The following PUS7 variants were observed in gnomAD, a reference collection of about 807,000 sequenced individuals.
PUS7 encodes the protein pseudouridylate synthase 7 homolog.
In PUS7, 48 loss-of-function variants were observed where a neutral mutation model predicts 79.8. That is an observed-to-expected ratio of 0.60 (90% CI 0.48 to 0.76). The LOEUF (loss-of-function observed/expected upper bound fraction) is 0.76. PUS7 is among the 30% of genes least tolerant of loss of function. PUS7 has a pLI of 0.00. For missense variants in PUS7, 729 were observed against 797.6 expected, an observed-to-expected ratio of 0.91 and a Z score of 1.04; for synonymous variants, 286 against 272.2, an observed-to-expected ratio of 1.05 and a Z score of -0.50.
intron 9 of PUS7, among the ~76,000 whole-genome samples, chr7:105,474,536 AG>A (rs1446693313): frequency 1.8e-4 from 27 of 151,460 alleles, no homozygotes; most frequent in African/African-American, 6.3e-4. Flanking sequence ...TGGGAGGCTG[AG>A]GCACGCGAAT....
At chr7:105,520,421 T>C (rs1375955292) in intron 1 of PUS7, among the ~76,000 whole-genome samples, 2 of 125,890 alleles carry the variant, frequency 1.6e-5, no homozygotes, top group Non-Finnish European at 3.7e-5. Context: ...ATCGCGCCAC[T>C]GCAATACATC....
chr7:105,486,697 A>G (rs564462724), intron 7 of PUS7, among the ~76,000 whole-genome samples: 5 of 152,048 alleles, frequency 3.3e-5, no homozygotes, highest in Admixed American at 6.5e-5. Flanking sequence ...CTGCTTCCTG[A>G]TGGTGCCACA....
chr7:105,468,522 C>CTTTT, intron 11 of PUS7, 59 bp from the exon 12 acceptor site: 1 of 1,170,406 alleles, frequency 8.5e-7, no homozygotes, highest in Non-Finnish European at 1.2e-6. Context: ...AAGTGCTGTA[C>CTTTT]TTTTTTTTTT....
intron 9 of PUS7, among the ~76,000 whole-genome samples, chr7:105,478,843 C>T (rs751762854): frequency 6.6e-6 from 1 of 152,132 alleles, no homozygotes; most frequent in Non-Finnish European, 1.5e-5. Flanking sequence ...TTGAGCTGAC[C>T]GTACTGACCT....
chr7:105,467,178 A>G (rs536957837), intron 12 of PUS7, among the ~76,000 whole-genome samples: 1 of 152,016 alleles, frequency 6.6e-6, no homozygotes, highest in East Asian at 1.9e-4. Context: ...GCTTAGTGCC[A>G]AGGCCTGGCA....
At chr7:105,493,203 A>T (rs575669947) in intron 6 of PUS7, among the ~76,000 whole-genome samples, 1 of 152,386 alleles carries the variant, frequency 6.6e-6, no homozygotes, top group South Asian at 2.1e-4. Flanking sequence ...GTATTAAAAA[A>T]TGAAAAAAGC....
intron 9 of PUS7, among the ~76,000 whole-genome samples, chr7:105,479,881 C>G (rs1824248611): frequency 6.6e-6 from 1 of 152,040 alleles, no homozygotes; most frequent in East Asian, 1.9e-4. Flanking sequence ...GCCTGCAATC[C>G]CAGTTACGTG....
chr7:105,495,359 G>A (rs972515578), intron 5 of PUS7, 106 bp from the exon 6 acceptor site: 4 of 672,044 alleles, frequency 6.0e-6, no homozygotes, highest in Non-Finnish European at 7.8e-6. Context: ...GTTCTAGTCT[G>A]ATAAAGAAAT....
intron 4 of PUS7, among the ~76,000 whole-genome samples, chr7:105,504,401 GA>G (rs11301981): frequency 0.16 from 24,791 of 151,934 alleles, 2,029 homozygotes; most frequent in South Asian, 0.18. Flanking sequence ...AATAAAAAAT[GA>G]AAAAAATCCA....
chr7:105,504,298 TG>T (rs903036361), intron 4 of PUS7, among the ~76,000 whole-genome samples: 4 of 152,006 alleles, frequency 2.6e-5, no homozygotes, highest in African/African-American at 9.7e-5. Context: ...CTCGAACTCC[TG>T]ACCTTAGGTG....
chr7:105,464,493 G>A (rs1361400353), intron 13 of PUS7, among the ~76,000 whole-genome samples: 3 of 152,192 alleles, frequency 2.0e-5, no homozygotes, highest in Non-Finnish European at 4.4e-5. Context: ...GGGCCTGGAT[G>A]GAACATAAAG....
rs992085626 is a variant in PUS7 at position 105,522,216 on chromosome 7, C to A, written c.-197G>T. 1 of 151,866 alleles carries A rather than the reference C, an allele frequency of 6.6e-6. No individual in the cohort carries two copies. The highest frequency in any genetic ancestry group is 2.4e-5 in the African/African-American group (1 of 41,394). The allele number at this position is 151,866 out of a possible 1,614,324, so 9.4% of individuals were successfully genotyped here. Reference sequence around the variant, plus strand: ...GGAGGACCAGATGCGCTCCAGCCGACTCACCGGCGGCCGGGCTCGCACACG... The same window carrying A: ...GGAGGACCAGATGCGCTCCAGCCGAATCACCGGCGGCCGGGCTCGCACACG... On this transcript the variant is annotated 5_prime_UTR_variant, in exon 1 of 16. Coordinates refer to ENST00000469408, the MANE Select transcript of PUS7 (RefSeq NM_019042.5).
At chr7:105,505,138 C>T (rs1825403923) in intron 4 of PUS7, among the ~76,000 whole-genome samples, 1 of 151,450 alleles carries the variant, frequency 6.6e-6, no homozygotes, top group Non-Finnish European at 1.5e-5. Context: ...GTAGCTGGGA[C>T]TACAGGCCTG....
chr7:105,511,279 C>T (rs1392534634), intron 1 of PUS7, among the ~76,000 whole-genome samples: 7 of 151,338 alleles, frequency 4.6e-5, no homozygotes, highest in African/African-American at 7.3e-5. Flanking sequence ...ATGATTTGCC[C>T]GCCTCGGCCT....
At chr7:105,468,684 A>ATTTTTTTTTTTTTTTTTTTTTTTTTTTT (rs1398225153) in intron 11 of PUS7, among the ~76,000 whole-genome samples, 2 of 151,072 alleles carry the variant, frequency 1.3e-5, no homozygotes, top group African/African-American at 2.4e-5. Flanking sequence ...CACCTGTCTA[A>ATTTTTTTTTTTTTTTTTTTTTTTTTTTT]TTTTTGTATT....
At chr7:105,498,879 G>A (rs576681157) in intron 5 of PUS7, among the ~76,000 whole-genome samples, 7 of 152,214 alleles carry the variant, frequency 4.6e-5, no homozygotes, top group African/African-American at 1.7e-4. Context: ...TGCCCGCCTC[G>A]GCCTCTCAAA....
At chr7:105,460,357 T>C (rs1300337443) in intron 14 of PUS7, among the ~76,000 whole-genome samples, 1 of 152,184 alleles carries the variant, frequency 6.6e-6, no homozygotes, top group Non-Finnish European at 1.5e-5. Flanking sequence ...AACAGCTTGT[T>C]ACTGAGAAGG....
chr7:105,506,354 G>A, intron 2 of PUS7, 81 bp from the exon 3 acceptor site: 2 of 966,872 alleles, frequency 2.1e-6, no homozygotes, highest in Non-Finnish European at 3.2e-6. Context: ...TCAACAGCAA[G>A]CCTTACTATT....
intron 9 of PUS7, among the ~76,000 whole-genome samples, chr7:105,474,179 TAC>T (rs1235553314): frequency 2.0e-5 from 3 of 152,198 alleles, no homozygotes; most frequent in Non-Finnish European, 4.4e-5. Context: ...ACATTTAAGT[TAC>T]ACAATACTGG....
Sources: allele counts gnomAD v4.1 joint callset (sites outside exome capture counted in the v4.1 genomes callset), GRCh38; gene constraint gnomAD v4.1.1; transcripts MANE v1.5; gene names NCBI Gene and HGNC (gene_info 2026-07-23, HGNC 2026-07-21).